Variants in MROH2B observed in about 807,000 individuals in gnomAD.
The protein encoded by MROH2B is maestro heat like repeat family member 2B, also known as maestro heat-like repeat-containing protein family member 2B.
In MROH2B, 177 loss-of-function variants were observed where a neutral mutation model predicts 208.6. The observed-to-expected ratio is 0.85, with a 90% CI of 0.75 to 0.96. The LOEUF (loss-of-function observed/expected upper bound fraction) is 0.96. Among genes scored for constraint, MROH2B ranks in the 40% least tolerant of loss-of-function variants. The probability of loss-of-function intolerance (pLI) is 0.00; values close to 1 mark genes in which losing one functional copy is unlikely to be tolerated. For missense variants in MROH2B, 2,002 were observed against 1,878.7 expected (o/e 1.07, Z -1.21); for synonymous variants, 728 against 659.0 (o/e 1.10, Z -1.60).
intron 24 of MROH2B, among the ~76,000 whole-genome samples, chr5:41,028,316 G>A (rs919896831): frequency 6.6e-6 from 1 of 152,154 alleles, no homozygotes; most frequent in Non-Finnish European, 1.5e-5. Context: ...AAAAGTAGGA[G>A]CAGCTATAAT....
chr5:41,032,620 T>C (rs1486356607), intron 24 of MROH2B, 122 bp downstream of exon 24: 22 of 773,720 alleles, frequency 2.8e-5, no homozygotes, highest in Non-Finnish European at 4.0e-5. Context: ...GAAGCTCCCA[T>C]TAATGAACTG....
rs944659565 is a variant in MROH2B at position 41,064,396 on chromosome 5, A to C, written c.460+76T>G. On this transcript the variant is annotated intron_variant, in intron 5 of 41. Coordinates refer to ENST00000399564, the MANE Select transcript of MROH2B (RefSeq NM_173489.5). The stretch of plus-strand genomic sequence containing the variant: ...GGACAAGATTGGAGTTAAAGGGAAA[A>C]CAAGACTTTTGCTTAATTTGTAAGA... 1.4e-5 allele frequency: 17 copies of C among 1,252,332 alleles called. No homozygotes were observed. In the African/African-American group the frequency reaches 1.6e-4, roughly 12 times the overall value. The allele number at this position is 1,252,332 out of a possible 1,614,324, so 77.6% of individuals were successfully genotyped here.
chr5:41,064,635 C>T, intron 4 of MROH2B, 65 bp from the exon 5 acceptor site: 1 of 1,233,178 alleles, frequency 8.1e-7, no homozygotes, highest in Non-Finnish European at 1.2e-6. Flanking sequence ...TTCTGTGACT[C>T]CAAATCAACA....
At chr5:41,018,615 G>C in intron 26 of MROH2B, 76 bp downstream of exon 26, 1 of 1,536,522 alleles carries the variant, frequency 6.5e-7, no homozygotes, top group Non-Finnish European at 9.0e-7. Flanking sequence ...TAAGGAAAAT[G>C]CAGTAGAGTT....
chr5:41,026,120 T>A (rs1742351359), intron 24 of MROH2B, among the ~76,000 whole-genome samples: 1 of 152,122 alleles, frequency 6.6e-6, no homozygotes. Flanking sequence ...CTTTGAAAAG[T>A]GGCACAAGAC....
chr5:41,047,872 T>C, intron 16 of MROH2B, 108 bp from the exon 17 acceptor site: 1 of 932,930 alleles, frequency 1.1e-6, no homozygotes, highest in South Asian at 1.6e-5. Flanking sequence ...TTAAGCTTTC[T>C]TTTTGCTCAT....
chr5:41,070,736 G>A lies in MROH2B; in HGVS notation c.28+89C>T, dbSNP rs114181665. The stretch of plus-strand genomic sequence containing the variant: ...GTGTACAGTCCTCCCACAATGACGC[G>A]CCACTCCCAGCCCTCATATATACTT... On this transcript the variant is annotated intron_variant, in intron 1 of 41. Coordinates refer to ENST00000399564, the MANE Select transcript of MROH2B (RefSeq NM_173489.5). The A allele has an allele frequency of 1.8e-3, 2,358 of 1,330,894 alleles. 41 individuals carry two copies. In the African/African-American group the frequency reaches 0.031, roughly 17 times the overall value. The allele number at this position is 1,330,894 out of a possible 1,614,324, so 82.4% of individuals were successfully genotyped here.
At chr5:41,043,738 G>A (rs1388805873) in intron 18 of MROH2B, among the ~76,000 whole-genome samples, 1 of 152,176 alleles carries the variant, frequency 6.6e-6, no homozygotes, top group African/African-American at 2.4e-5. Flanking sequence ...AATCAAGAAA[G>A]GAGTCTATTT....
In MROH2B at chr5:41,015,420, G is replaced by A. The variant is rs754833007; in HGVS notation, c.2943C>T (p.Asp981=). The change falls in exon 29 of 42, where the codon GAC becomes GAT. Residue 981 remains aspartate (D), a synonymous_variant. Coordinates refer to ENST00000399564, the MANE Select transcript of MROH2B (RefSeq NM_173489.5). ...AAGAAATCTTGATCTGAACCTGCAC[G>A]TCATCACTTTCCAGCCCTTCCTGCA... ...QGLQEGLESD[D]VQVQIKISSK... is the part of the protein sequence containing the mutation. 6.5e-5 allele frequency: 105 copies of A among 1,613,364 alleles called. No individual in the cohort carries two copies. The highest frequency in any genetic ancestry group is 7.8e-5 in the Non-Finnish European group (92 of 1,179,642).
intron 10 of MROH2B, among the ~76,000 whole-genome samples, chr5:41,055,233 T>C (rs958574178): frequency 1.3e-5 from 2 of 152,224 alleles, no homozygotes; most frequent in African/African-American, 4.8e-5. Flanking sequence ...TTAGCAAGTC[T>C]AAGATATCAC....
In MROH2B at chr5:41,061,587, A is replaced by G; in HGVS notation, c.598T>C (p.Leu200=). The G allele has an allele frequency of 1.2e-6, 2 of 1,613,314 alleles. No individual in the cohort carries two copies. The highest frequency in any genetic ancestry group is 1.7e-6 in the Non-Finnish European group (2 of 1,179,540). ...FWYIMEKWAP[L]ASPMQTLSIV... Reference sequence around the variant, plus strand: ...CCACTCACCTGCATGGGTGAGGCCAAAGGGGCCCACTTCTCCATTATATAC... The same window carrying G: ...CCACTCACCTGCATGGGTGAGGCCAGAGGGGCCCACTTCTCCATTATATAC... Residue 200 remains leucine, a synonymous_variant, in exon 6 of 42, where the codon TTG becomes CTG. Coordinates refer to ENST00000399564, the MANE Select transcript of MROH2B (RefSeq NM_173489.5).
Position 41,010,454 on chromosome 5 carries a change from G to T in MROH2B, c.3136-375C>A, listed in dbSNP as rs184504680. Among the ~76,000 whole-genome samples the T allele has an allele frequency of 2.5e-3, 380 of 152,292 alleles. 2 individuals carry two copies. Among genetic ancestry groups the T allele is most frequent in the Non-Finnish European group, 4.4e-3 (298 of 68,038 alleles). Reference sequence around the variant, plus strand: ...CTATGGCAAATGGTATACATGAGGTGCATACAACCGACAGGGGAATCCAGG... The same window carrying T: ...CTATGGCAAATGGTATACATGAGGTTCATACAACCGACAGGGGAATCCAGG... On this transcript the variant is annotated intron_variant, in intron 30 of 41. Transcript: ENST00000399564.
intron 24 of MROH2B, among the ~76,000 whole-genome samples, chr5:41,022,877 C>T (rs932252092): frequency 2.0e-5 from 3 of 152,154 alleles, no homozygotes; most frequent in African/African-American, 4.8e-5. Context: ...GCAACATTGG[C>T]TGTTCAGCAA....
chr5:41,015,006 T>C (rs1414641630), intron 29 of MROH2B, among the ~76,000 whole-genome samples: 2 of 152,168 alleles, frequency 1.3e-5, no homozygotes, highest in East Asian at 1.9e-4. Flanking sequence ...AATGAGTGAT[T>C]GAATTGATTG....
intron 6 of MROH2B, 163 bp from the exon 7 acceptor site, chr5:41,058,366 A>G: frequency 1.5e-6 from 1 of 670,770 alleles, no homozygotes; most frequent in Non-Finnish European, 2.2e-6. Flanking sequence ...TGTTCAGGTT[A>G]AGATCATTGC....
chr5:41,000,126 G>A, intron 39 of MROH2B, 94 bp downstream of exon 39: 1 of 1,518,648 alleles, frequency 6.6e-7, no homozygotes, highest in Non-Finnish European at 8.9e-7. Context: ...TTCTGGCTCT[G>A]GCCAGAAATT....
In MROH2B at chr5:41,018,333, T is replaced by TTGA; in HGVS notation, c.2763+7_2763+8insTCA. 1 of 1,609,810 alleles carries TTGA rather than the reference T, an allele frequency of 6.2e-7. No individual in the cohort carries two copies. Among genetic ancestry groups the TTGA allele is most frequent in the Non-Finnish European group, 8.5e-7 (1 of 1,177,702 alleles). The stretch of plus-strand genomic sequence containing the variant: ...AATAAAGTCTATTCATTCTAGGGGA[T>TTGA]TACTTACCTCAATATCATTTGTCAG... On this transcript the variant is annotated splice_region_variant and intron_variant, in intron 27 of 41. Coordinates refer to ENST00000399564, the MANE Select transcript of MROH2B (RefSeq NM_173489.5).
chr5:41,027,731 A>G (rs1184062578), intron 24 of MROH2B, among the ~76,000 whole-genome samples: 1 of 152,222 alleles, frequency 6.6e-6, no homozygotes, highest in Non-Finnish European at 1.5e-5. Context: ...ATAAAGACAC[A>G]TGCAGACGTA....
Position 41,015,234 on chromosome 5 carries a change from T to G in MROH2B, c.2982+147A>C, listed in dbSNP as rs909200273. ...ATCAGTAATGAGTGTTGACTAGGCA[T>G]GTGTACTCTAAGTTAGAAAATGACA... On this transcript the variant is annotated intron_variant, in intron 29 of 41. Transcript: ENST00000399564. 81 of 649,384 alleles carry G rather than the reference T, an allele frequency of 1.2e-4. 2 individuals are homozygous for G. The highest frequency in any genetic ancestry group is 5.6e-4 in the East Asian group (20 of 35,966). The allele number at this position is 649,384 out of a possible 1,614,324, so 40.2% of individuals were successfully genotyped here.
Sources: gnomAD v4.1 joint callset for allele counts (sites outside exome capture counted in the v4.1 genomes callset) on GRCh38, gnomAD v4.1.1 for gene constraint, MANE v1.5 for transcripts, NCBI Gene and HGNC (gene_info 2026-07-23, HGNC 2026-07-21) for gene names.